GRID2: variants seen among roughly 807,000 people sequenced by gnomAD.
GRID2 encodes glutamate ionotropic receptor delta type subunit 2, also known as glutamate receptor ionotropic, delta-2.
In GRID2, 33 loss-of-function variants were observed where a neutral mutation model predicts 114.8. The ratio of observed to expected loss-of-function variants is 0.29; its 90% CI spans 0.22 to 0.38. The LOEUF (loss-of-function observed/expected upper bound fraction) is 0.38. Among genes scored for constraint, GRID2 ranks in the 10% least tolerant of loss-of-function variants. The pLI, the probability that GRID2 is intolerant of heterozygous loss-of-function variation, is 1.00. For missense variants in GRID2, 1,184 were observed against 1,257.7 expected (o/e 0.94, Z 0.89); for synonymous variants, 505 against 449.9 (o/e 1.12, Z -1.55).
At chr4:93,110,111 T>G (rs1732626332) in intron 3 of GRID2, among the ~76,000 whole-genome samples, 1 of 152,182 alleles carries the variant, frequency 6.6e-6, no homozygotes, top group South Asian at 2.1e-4. Context: ...ACATTAAGTA[T>G]TTTCTCCTTA....
chr4:93,287,363 C>G (rs749803903), intron 8 of GRID2, among the ~76,000 whole-genome samples: 21 of 152,188 alleles, frequency 1.4e-4, no homozygotes, highest in Non-Finnish European at 3.1e-4. Context: ...AGTAGAAGAA[C>G]TGGGAGCCTC....
chr4:93,771,029 G>A (rs112855806), intron 15 of GRID2, among the ~76,000 whole-genome samples: 130 of 152,168 alleles, frequency 8.5e-4, no homozygotes, highest in African/African-American at 3.1e-3. Context: ...AAAAATACAT[G>A]CTCCATTCTA....
At chr4:92,699,720 C>T (rs1272395909) in intron 2 of GRID2, among the ~76,000 whole-genome samples, 1 of 152,144 alleles carries the variant, frequency 6.6e-6, no homozygotes. Flanking sequence ...CTCTACTCAT[C>T]TTTATATATG....
chr4:93,552,275 A>G (rs1430393205), intron 13 of GRID2, among the ~76,000 whole-genome samples: 4 of 151,928 alleles, frequency 2.6e-5, no homozygotes, highest in African/African-American at 7.3e-5. Context: ...AATCCAGTCT[A>G]TCATTGTTGG....
intron 2 of GRID2, among the ~76,000 whole-genome samples, chr4:92,768,056 C>T (rs918745278): frequency 1.4e-4 from 22 of 152,004 alleles, no homozygotes; most frequent in Non-Finnish European, 2.4e-4. Context: ...TATTTTCATC[C>T]TCAATAAGAC....
intron 3 of GRID2, among the ~76,000 whole-genome samples, chr4:93,088,771 T>G (rs551337768): frequency 4.6e-5 from 7 of 152,224 alleles, no homozygotes; most frequent in Non-Finnish European, 1.0e-4. Context: ...AGTAAGAACT[T>G]TACTGTCACA....
intron 2 of GRID2, among the ~76,000 whole-genome samples, chr4:92,695,322 G>T (rs1483603909): frequency 6.6e-6 from 1 of 151,710 alleles, no homozygotes; most frequent in Non-Finnish European, 1.5e-5. Context: ...TTTAATTTTA[G>T]TTTTTTTTAT....
At chr4:92,754,591 C>A (rs975017761) in intron 2 of GRID2, among the ~76,000 whole-genome samples, 2 of 152,050 alleles carry the variant, frequency 1.3e-5, no homozygotes, top group Non-Finnish European at 1.5e-5. Context: ...TAATTAAACC[C>A]CTTAAATCAG....
At chr4:92,878,296 CACTCATCTGTTCCA>C (rs147837015) in intron 2 of GRID2, among the ~76,000 whole-genome samples, 3,544 of 152,210 alleles carry the variant, frequency 0.023, 81 homozygotes, top group East Asian at 0.076. Context: ...ATATCTGCTT[CACTCATCTGTTCCA>C]ACTGATGGTG....
intron 8 of GRID2, among the ~76,000 whole-genome samples, chr4:93,391,216 A>C (rs561308023): frequency 3.9e-5 from 6 of 152,318 alleles, no homozygotes; most frequent in African/African-American, 1.4e-4. Flanking sequence ...TTACTGGCAC[A>C]CTGCATTCAT....
At chr4:92,544,994 A>T (rs1726171841) in intron 1 of GRID2, among the ~76,000 whole-genome samples, 1 of 152,036 alleles carries the variant, frequency 6.6e-6, no homozygotes, top group African/African-American at 2.4e-5. Flanking sequence ...TACATCCCAT[A>T]TTTCATATTT....
intron 2 of GRID2, among the ~76,000 whole-genome samples, chr4:92,845,747 C>T (rs1160559814): frequency 2.0e-5 from 3 of 152,040 alleles, no homozygotes; most frequent in Admixed American, 1.3e-4. Context: ...TCCTAGACCT[C>T]TTTATATTCT....
At chr4:93,242,849 T>C (rs1045397652) in intron 8 of GRID2, among the ~76,000 whole-genome samples, 2 of 152,020 alleles carry the variant, frequency 1.3e-5, no homozygotes, top group African/African-American at 4.8e-5. Context: ...GAGGTCAATA[T>C]AGTTGTTTCA....
chr4:93,155,426 G>A (rs1188002006), intron 4 of GRID2, among the ~76,000 whole-genome samples: 1 of 151,766 alleles, frequency 6.6e-6, no homozygotes, highest in African/African-American at 2.4e-5. Flanking sequence ...CACCATTTTA[G>A]GAATCTGTCT....
intron 2 of GRID2, among the ~76,000 whole-genome samples, chr4:92,862,331 G>A (rs201364043): frequency 6.6e-6 from 1 of 151,782 alleles, no homozygotes; most frequent in Non-Finnish European, 1.5e-5. Context: ...ATTCATTAAG[G>A]GTTTACTATA....
At chr4:92,816,093 A>G (rs1299126072) in intron 2 of GRID2, among the ~76,000 whole-genome samples, 1 of 151,638 alleles carries the variant, frequency 6.6e-6, no homozygotes. Flanking sequence ...AGGCAGGTGG[A>G]TCACCTGAGG....
chr4:92,505,728 G>T (rs1263856768), intron 1 of GRID2, among the ~76,000 whole-genome samples: 1 of 151,886 alleles, frequency 6.6e-6, no homozygotes, highest in African/African-American at 2.4e-5. Context: ...AGACCCAGAG[G>T]ACAGGACTAC....
chr4:93,527,257 C>T (rs1001416821), intron 13 of GRID2, among the ~76,000 whole-genome samples: 1 of 152,124 alleles, frequency 6.6e-6, no homozygotes, highest in Admixed American at 6.6e-5. Context: ...ATTATAAATT[C>T]CTCCTTTCTT....
At position 92,914,690 on chromosome 4, in the gene GRID2, A is replaced by G. The variant is rs111796097; in HGVS notation, c.245-170305A>G. On this transcript the variant is annotated intron_variant, in intron 2 of 15. Coordinates refer to ENST00000282020, the MANE Select transcript of GRID2 (RefSeq NM_001510.4). ...GCAGTATTTGATTTTCTGTTCCTATATTAGTTTGCTAAGGATAATTGCCTC... is the reference window on the plus strand; with the variant it reads ...GCAGTATTTGATTTTCTGTTCCTATGTTAGTTTGCTAAGGATAATTGCCTC... 9.1e-3 allele frequency among the ~76,000 whole-genome samples: 1,381 copies of G among 152,116 alleles called. 7 individuals are homozygous for G. The highest frequency in any genetic ancestry group is 0.017 in the Middle Eastern group (5 of 294).
Sources: allele counts gnomAD v4.1 joint callset (sites outside exome capture counted in the v4.1 genomes callset), GRCh38; gene constraint gnomAD v4.1.1; transcripts MANE v1.5; gene names NCBI Gene and HGNC (gene_info 2026-07-23, HGNC 2026-07-21).